TEPSIN: variants seen among roughly 807,000 people sequenced by gnomAD.
The protein encoded by TEPSIN is TEPSIN adaptor related protein complex 4 accessory protein, also known as AP-4 complex accessory subunit tepsin.
TEPSIN carries 50 observed loss-of-function variants against 48.5 expected under a neutral mutation model. That is an observed-to-expected ratio of 1.03 (90% CI 0.82 to 1.31). TEPSIN has a LOEUF of 1.31. Among genes scored for constraint, TEPSIN ranks in the 50% most tolerant of loss-of-function variants. TEPSIN has a pLI of 0.00. For synonymous variants in TEPSIN, 392 were observed against 358.8 expected (o/e 1.09, Z -1.05); for missense variants, 838 against 815.9 (o/e 1.03, Z -0.33).
At chr17:81,232,086 G>C (rs954610420) in intron 8 of TEPSIN, 65 bp from the exon 9 acceptor site, 2 of 1,552,188 alleles carry the variant, frequency 1.3e-6, no homozygotes, top group African/African-American at 2.7e-5. Context: ...CCCACCTCCC[G>C]GGGCCCTGGA....
chr17:81,232,607 G>T (rs2062640289), intron 7 of TEPSIN, 89 bp from the exon 8 acceptor site: 1 of 1,268,198 alleles, frequency 7.9e-7, no homozygotes, highest in Non-Finnish European at 1.1e-6. Flanking sequence ...TCGGCTCCCT[G>T]CTCAAGCTTG....
chr17:81,231,395 C>A lies in TEPSIN; in HGVS notation c.1098+3G>T. The A allele has an allele frequency of 6.5e-7, 1 of 1,546,138 alleles. No homozygotes were observed. The highest frequency in any genetic ancestry group is 8.7e-7 in the Non-Finnish European group (1 of 1,145,230). ...CGCCCTCCCGCCCGCGTGTGCAGCT[C>A]ACCAGCTGCGTGCATTCACTGGTCC... On this transcript the variant is annotated splice_donor_region_variant and intron_variant, in intron 11 of 12. Transcript: ENST00000637944.
At chr17:81,235,800 G>A (rs1385564131) in intron 4 of TEPSIN, among the ~76,000 whole-genome samples, 1 of 152,246 alleles carries the variant, frequency 6.6e-6, no homozygotes, top group African/African-American at 2.4e-5. Flanking sequence ...GTCCCCTCAG[G>A]GGCATCTACT....
At position 81,234,409 on chromosome 17, in the gene TEPSIN, C is replaced by T. The variant is rs904662680; in HGVS notation, c.308-361G>A. ...TCCGGGGCCTGGAGGGAGAAACCAG[C>T]GTTCTTATCACAGCCTGAAAGCTCC... On this transcript the variant is annotated intron_variant, in intron 4 of 12. Coordinates refer to ENST00000637944, the MANE Select transcript of TEPSIN (RefSeq NM_001363764.2). The surrounding 1 kb of genome is among the most constrained non-coding windows in gnomAD (Gnocchi z 5.4). Among the ~76,000 whole-genome samples, 1 of 152,122 alleles carries T rather than the reference C, an allele frequency of 6.6e-6. No homozygotes were observed. Among genetic ancestry groups the T allele is most frequent in the African/African-American group, 2.4e-5 (1 of 41,402 alleles).
In TEPSIN at chr17:81,233,818, T is replaced by C; in HGVS notation, c.376-102A>G. 3 of 1,399,812 alleles carry C rather than the reference T, an allele frequency of 2.1e-6. No homozygotes were observed. The highest frequency in any genetic ancestry group is 2.9e-6 in the Non-Finnish European group (3 of 1,040,660). The allele number at this position is 1,399,812 out of a possible 1,614,324, so 86.7% of individuals were successfully genotyped here. A position where few individuals can be genotyped will look rare whatever the true frequency, so the allele number is the denominator to read the frequency against. On this transcript the variant is annotated intron_variant, in intron 5 of 12. Coordinates refer to ENST00000637944, the MANE Select transcript of TEPSIN (RefSeq NM_001363764.2). This position sits in a 1 kb window ranked among gnomAD's most constrained non-coding sequence, Gnocchi z 5.8. ...CGTTCTGTCCCCCGGACACTTCTCC[T>C]GAGCCACTCAGCTGGACACAGGCTC... is the stretch of plus-strand genomic sequence containing the variant.
rs559360556 is a variant in TEPSIN, at chr17:81,231,243, G to A, written c.1098+155C>T. 1.6e-4 allele frequency: 120 copies of A among 737,868 alleles called. No homozygotes were observed. The Middle Eastern group carries it at 2.3e-3, about 14-fold the overall frequency. 45.7% of individuals were successfully genotyped at this position (737,868 alleles called of 1,614,324 possible). A position where few individuals can be genotyped will look rare whatever the true frequency, so the allele number is the denominator to read the frequency against. ...CATACACAGGCATACACACCCACAC[G>A]CACACACACAGGCATGTGCGCACGC... On this transcript the variant is annotated intron_variant, in intron 11 of 12. Coordinates refer to ENST00000637944, the MANE Select transcript of TEPSIN (RefSeq NM_001363764.2).
In TEPSIN at chr17:81,231,673, CAG is replaced by C. The variant is rs2062613434; in HGVS notation, c.922_923del (p.Leu308GlufsTer2). 6.2e-7 allele frequency: 1 copy of C among 1,612,270 alleles called. No homozygotes were observed. The highest frequency in any genetic ancestry group is 8.5e-7 in the Non-Finnish European group (1 of 1,179,412). On this transcript the variant is annotated frameshift_variant, in exon 10 of 13. Transcript: ENST00000637944. LOFTEE classifies it high-confidence loss of function. ...AGCTCAACTCCTGCTGACAGTCACT[CAG>C]GGCCACCACCTCGACCCTGCCAGGG... is the stretch of plus-strand genomic sequence containing the variant. ...DLAERVEVVA[L>X]SDCQQELSLV...
chr17:81,231,098 T>G, intron 11 of TEPSIN: 1 of 524,054 alleles, frequency 1.9e-6, no homozygotes, highest in Non-Finnish European at 3.4e-6. Context: ...CACAGGCACA[T>G]ACATACACAA....
Position 81,233,487 on chromosome 17 carries a change from G to A in TEPSIN, c.471C>T (p.Ala157=). 1 of 1,605,152 alleles carries A rather than the reference G, an allele frequency of 6.2e-7. No homozygotes were observed. Among genetic ancestry groups the A allele is most frequent in the Non-Finnish European group, 8.5e-7 (1 of 1,175,718 alleles). The stretch of plus-strand genomic sequence containing the variant: ...AACCCTGGAGGGTGCTGTGCGGCCT[G>A]GCCTGGGAGCCCATGCCTGCAGAGG... ...TPPATGMGSQ[A]RPHSTLQGFG... The change falls in exon 7 of 13, where the codon GCC becomes GCT. Residue 157 remains alanine, a synonymous_variant. Transcript: ENST00000637944. This position sits in a 1 kb window ranked among gnomAD's most constrained non-coding sequence, Gnocchi z 5.8.
intron 12 of TEPSIN, 23 bp from the exon 13 acceptor site, chr17:81,229,499 G>C (rs966491435): frequency 1.7e-5 from 27 of 1,548,014 alleles, no homozygotes; most frequent in Non-Finnish European, 2.1e-5. Context: ...GGAGGAACCA[G>C]GGAGGTTCCT....
rs772603509 is a variant in TEPSIN, at chr17:81,234,074, G to A, written c.308-26C>T. ...CTGCAGAACAGAAAAGGCAAGTCGGGGGCAGGGCTGAGCCTGGCACCGCTG... is the reference window on the plus strand; with the variant it reads ...CTGCAGAACAGAAAAGGCAAGTCGGAGGCAGGGCTGAGCCTGGCACCGCTG... On this transcript the variant is annotated intron_variant, in intron 4 of 12. Transcript: ENST00000637944. The surrounding 1 kb of genome is among the most constrained non-coding windows in gnomAD (Gnocchi z 5.4). 1.2e-5 allele frequency: 19 copies of A among 1,563,842 alleles called. No individual in the cohort carries two copies. Among genetic ancestry groups the A allele is most frequent in the South Asian group, 8.4e-5 (7 of 83,644 alleles).
chr17:81,238,674 A>C (rs1329152497), intron 1 of TEPSIN: 13 of 1,190,918 alleles, frequency 1.1e-5, no homozygotes, highest in Middle Eastern at 3.3e-4. Flanking sequence ...CTCCACGTCC[A>C]CCGGGTCCGC....
rs143721945 is a variant in TEPSIN at position 81,229,010 on chromosome 17, G to A, written c.1700C>T (p.Ala567Val). Residue 567 changes from alanine to valine, a missense_variant, in exon 13 of 13, where the codon GCC (alanine) becomes GTC (valine). Coordinates refer to ENST00000637944, the MANE Select transcript of TEPSIN (RefSeq NM_001363764.2). Reference sequence around the variant, plus strand: ...TGTCCTCTGGGACGATGTTTGGGGGGCGCGGGGAGCATCAGGACAGGACTC... The same window carrying A: ...TGTCCTCTGGGACGATGTTTGGGGGACGCGGGGAGCATCAGGACAGGACTC... ...AGESCPDAPR[A>V]PQTSSQRTAA... 36 of 1,613,498 alleles carry A rather than the reference G, an allele frequency of 2.2e-5. No individual in the cohort carries two copies. The African/African-American group carries it at 4.4e-4, about 20-fold the overall frequency.
In TEPSIN at chr17:81,237,075, C is replaced by T. The variant is rs758083327; in HGVS notation, c.122-4G>A. 33 of 1,581,196 alleles carry T rather than the reference C, an allele frequency of 2.1e-5. No individual in the cohort carries two copies. The highest frequency in any genetic ancestry group is 1.1e-4 in the Admixed American group (6 of 55,974). ...CCCGGAGACTCGTGGGAGATTTCTGCGGCACGCTCGGGTTAGGGAAGGGCG... is the reference window on the plus strand; with the variant it reads ...CCCGGAGACTCGTGGGAGATTTCTGTGGCACGCTCGGGTTAGGGAAGGGCG... On this transcript the variant is annotated splice_region_variant and splice_polypyrimidine_tract_variant and intron_variant, in intron 2 of 12. Transcript: ENST00000637944.
At chr17:81,238,909 G>A (rs923558513) in intron 1 of TEPSIN, 77 bp downstream of exon 1, 1 of 1,386,668 alleles carries the variant, frequency 7.2e-7, no homozygotes, top group Non-Finnish European at 9.3e-7. Flanking sequence ...AATGGCTCCG[G>A]CCCGGGGCGA....
Position 81,233,371 on chromosome 17 carries a change from C to T in TEPSIN, c.526+61G>A. On this transcript the variant is annotated intron_variant, in intron 7 of 12. Coordinates refer to ENST00000637944, the MANE Select transcript of TEPSIN (RefSeq NM_001363764.2). This position sits in a 1 kb window ranked among gnomAD's most constrained non-coding sequence, Gnocchi z 5.8. ...AGATGGGGCGGCATGGTCCGGCCCC[C>T]ACCACCTCCTCATCCCCACACCCTG... 6.3e-7 allele frequency: 1 copy of T among 1,581,264 alleles called. No individual in the cohort carries two copies. The highest frequency in any genetic ancestry group is 1.8e-5 in the Admixed American group (1 of 56,282).
rs756039524 is a variant in TEPSIN, at chr17:81,236,769, G to A, written c.246C>T (p.His82=). Residue 82 remains histidine (H), a synonymous_variant, in exon 4 of 13, where the codon CAC becomes CAT. Coordinates refer to ENST00000637944, the MANE Select transcript of TEPSIN (RefSeq NM_001363764.2). ...GGATGAGCAGGAAGAAGGAGGAGCC[G>A]TGGCTGCACAGATAGAGCAGGATCT... ...VLKILLYLCS[H]GSSFFLLILK... is the part of the protein sequence containing the mutation. 1.5e-5 allele frequency: 23 copies of A among 1,572,784 alleles called. No individual in the cohort carries two copies. Among genetic ancestry groups the A allele is most frequent in the Non-Finnish European group, 1.7e-5 (20 of 1,159,732 alleles).
In TEPSIN at chr17:81,230,768, C is replaced by T. The variant is rs1276771237; in HGVS notation, c.1099-90G>A. 1.4e-6 allele frequency: 2 copies of T among 1,423,314 alleles called. No individual in the cohort carries two copies. Among genetic ancestry groups the T allele is most frequent in the Admixed American group, 2.9e-5 (1 of 34,228 alleles). The allele number at this position is 1,423,314 out of a possible 1,614,324, so 88.2% of individuals were successfully genotyped here. ...TTGGCCATCTCTCTCCCTCTTCTTCCTCCTCATCAATGACTGGAGTGCCAG... is the reference window on the plus strand; with the variant it reads ...TTGGCCATCTCTCTCCCTCTTCTTCTTCCTCATCAATGACTGGAGTGCCAG... On this transcript the variant is annotated intron_variant, in intron 11 of 12. Transcript: ENST00000637944. This position sits in a 1 kb window ranked among gnomAD's most constrained non-coding sequence, Gnocchi z 4.2.
In TEPSIN at chr17:81,229,056, C is replaced by T; in HGVS notation, c.1654G>A (p.Gly552Arg). ...GACTCTCCCGCAGCAGCCCCAGCCC[C>T]CACCAGGCGGGGACAGGCCACCAGC... ...MELVACPRLVGAGAAAGESCP... is the reference protein window; with the variant it reads ...MELVACPRLVRAGAAAGESCP... The change falls in exon 13 of 13, where the codon GGG becomes AGG. Residue 552 changes from glycine (G) to arginine (R), a missense_variant. Coordinates refer to ENST00000637944, the MANE Select transcript of TEPSIN (RefSeq NM_001363764.2). The T allele has an allele frequency of 6.2e-7, 1 of 1,613,498 alleles. No homozygotes were observed. The highest frequency in any genetic ancestry group is 8.5e-7 in the Non-Finnish European group (1 of 1,179,964).
Sources: allele counts gnomAD v4.1 joint callset (sites outside exome capture counted in the v4.1 genomes callset), GRCh38; gene constraint gnomAD v4.1.1; non-coding constraint Gnocchi (gnomAD v3.1); transcripts MANE v1.5; gene names NCBI Gene and HGNC (gene_info 2026-07-23, HGNC 2026-07-21).